The following PLEKHA7 variants were observed in gnomAD, a reference collection of about 807,000 sequenced individuals.
PLEKHA7 encodes pleckstrin homology domain-containing family A member 7.
In PLEKHA7, 104 loss-of-function variants were observed where a neutral mutation model predicts 170.0. The ratio of observed to expected loss-of-function variants is 0.61; its 90% confidence interval spans 0.52 to 0.72. The LOEUF (loss-of-function observed/expected upper bound fraction) is 0.72, where lower values mean the gene tolerates loss of function less well. Ranked by LOEUF, PLEKHA7 falls within the 30% of genes least tolerant of loss-of-function variation. The pLI is 0.00. For synonymous variants in PLEKHA7, 648 were observed against 660.8 expected, an observed-to-expected ratio of 0.98 and a Z score of 0.30; for missense variants, 1,615 against 1,671.7, an observed-to-expected ratio of 0.97 and a Z score of 0.59.
At chr11:16,794,824 C>T in intron 18 of PLEKHA7, 86 bp downstream of exon 18, 2 of 1,472,604 alleles carry the variant, frequency 1.4e-6, no homozygotes, top group Non-Finnish European at 1.9e-6. Flanking sequence ...CAAGGGCCAT[C>T]CCACCCACCT....
In PLEKHA7 at chr11:16,791,745, T is replaced by C. The variant is rs1847872908; in HGVS notation, c.2746-546A>G. The C allele has an allele frequency of 4.4e-6, 2 of 450,790 alleles. No homozygotes were observed. The highest frequency in any genetic ancestry group is 9.0e-6 in the Non-Finnish European group (2 of 223,402). The allele number at this position is 450,790 out of a possible 1,614,324, so 27.9% of individuals were successfully genotyped here. A position where few individuals can be genotyped will look rare whatever the true frequency, so the allele number is the denominator to read the frequency against. On this transcript the variant is annotated intron_variant, in intron 19 of 26. Coordinates refer to ENST00000531066, the MANE Select transcript of PLEKHA7 (RefSeq NM_001329630.2). The surrounding 1 kb of genome is among the most constrained non-coding windows in gnomAD (Gnocchi z 4.5). ...CAGAAATGTGCATGGTTACAAAATA[T>C]TTCCTCCTTCCTGACTCAGACAGAA...
intron 19 of PLEKHA7, among the ~76,000 whole-genome samples, chr11:16,792,254 T>A (rs1297550118): frequency 6.6e-6 from 1 of 152,236 alleles, no homozygotes; most frequent in Non-Finnish European, 1.5e-5. Context: ...TTGAATGGAA[T>A]GTCTGGAGGC....
intron 3 of PLEKHA7, among the ~76,000 whole-genome samples, chr11:17,003,815 C>A (rs1231808152): frequency 6.6e-6 from 1 of 152,214 alleles, no homozygotes; most frequent in Non-Finnish European, 1.5e-5. Flanking sequence ...CCCTGCTGCC[C>A]AGGCCAGTAT....
chr11:16,795,527 C>G (rs760888209), intron 17 of PLEKHA7, among the ~76,000 whole-genome samples: 7 of 152,146 alleles, frequency 4.6e-5, no homozygotes, highest in East Asian at 3.9e-4. Context: ...TGCAATGGCT[C>G]TTGTCTGTTA....
At chr11:16,826,029 G>T in intron 10 of PLEKHA7, 91 bp downstream of exon 10, 1 of 1,307,654 alleles carries the variant, frequency 7.6e-7, no homozygotes, top group Non-Finnish European at 1.1e-6. Flanking sequence ...GTTTAAGGCT[G>T]CCCTTACGCA....
chr11:16,899,512 T>C (rs1177969252), intron 3 of PLEKHA7, among the ~76,000 whole-genome samples: 1 of 152,070 alleles, frequency 6.6e-6, no homozygotes, highest in Non-Finnish European at 1.5e-5. Context: ...ACAAAACTTT[T>C]GCATAAAGGA....
intron 4 of PLEKHA7, among the ~76,000 whole-genome samples, chr11:16,860,029 T>C (rs941865706): frequency 2.0e-5 from 3 of 152,250 alleles, no homozygotes; most frequent in Non-Finnish European, 2.9e-5. Context: ...ATTATTTTGC[T>C]GGAGGGATGT....
intron 3 of PLEKHA7, among the ~76,000 whole-genome samples, chr11:16,918,676 T>A (rs1858865850): frequency 6.6e-6 from 1 of 152,200 alleles, no homozygotes; most frequent in Admixed American, 6.5e-5. Context: ...AAGTGTAAAC[T>A]GGTGTAAATG....
At chr11:16,906,358 C>T (rs1179488085) in intron 3 of PLEKHA7, among the ~76,000 whole-genome samples, 6 of 142,816 alleles carry the variant, frequency 4.2e-5, no homozygotes, top group South Asian at 2.3e-4. Context: ...CCACGGTCTC[C>T]CCCTGATGCC....
Position 16,931,870 on chromosome 11 carries a change from C to T in PLEKHA7, c.222-60688G>A, listed in dbSNP as rs564843401. Among the ~76,000 whole-genome samples the T allele has an allele frequency of 2.6e-5, 4 of 151,598 alleles. No individual in the cohort carries two copies. In the South Asian group the frequency reaches 6.3e-4, roughly 24 times the overall value. On this transcript the variant is annotated intron_variant, in intron 3 of 26. Transcript: ENST00000531066. The stretch of plus-strand genomic sequence containing the variant: ...TCTCCAAAATTACAAAACTAGGGCA[C>T]GATGAAAGGTGCCAGAAAGAGGAAA...
At chr11:16,914,290 A>G (rs1166626728) in intron 3 of PLEKHA7, among the ~76,000 whole-genome samples, 1 of 152,210 alleles carries the variant, frequency 6.6e-6, no homozygotes, top group Non-Finnish European at 1.5e-5. Flanking sequence ...TTATTTGAAT[A>G]ATTAGAAAAC....
At chr11:16,839,792 G>A (rs986988788) in intron 9 of PLEKHA7, among the ~76,000 whole-genome samples, 1 of 152,072 alleles carries the variant, frequency 6.6e-6, no homozygotes, top group Non-Finnish European at 1.5e-5. Context: ...TATCTGTGGG[G>A]CTTCCTGGCA....
intron 3 of PLEKHA7, among the ~76,000 whole-genome samples, chr11:16,932,432 C>T (rs1302973083): frequency 6.6e-6 from 1 of 152,100 alleles, no homozygotes; most frequent in Non-Finnish European, 1.5e-5. Context: ...CAGGTGCACA[C>T]CACCTCACCT....
At chr11:16,804,896 G>GT (rs1564932671) in intron 13 of PLEKHA7, among the ~76,000 whole-genome samples, 1 of 152,124 alleles carries the variant, frequency 6.6e-6, no homozygotes, top group Non-Finnish European at 1.5e-5. Flanking sequence ...ATGCGGGGGG[G>GT]GCGGTGCAGG....
In PLEKHA7 at chr11:16,924,008, C is replaced by T. The variant is rs112406108; in HGVS notation, c.222-52826G>A. On this transcript the variant is annotated intron_variant, in intron 3 of 26. Transcript: ENST00000531066. ...GCTGGGGTAAAAAATCTCCTCAGGT[C>T]TGTCTCTAACCAACCCCCGTCCCTC... 7.9e-3 allele frequency among the ~76,000 whole-genome samples: 1,202 copies of T among 152,216 alleles called. 14 individuals carry two copies. Among genetic ancestry groups the T allele is most frequent in the African/African-American group, 0.026 (1,090 of 41,516 alleles).
intron 9 of PLEKHA7, among the ~76,000 whole-genome samples, chr11:16,831,551 T>A (rs1459088076): frequency 1.3e-5 from 2 of 152,188 alleles, no homozygotes; most frequent in Non-Finnish European, 2.9e-5. Flanking sequence ...ATCGTGAACA[T>A]CTGAAACCGG....
intron 10 of PLEKHA7, among the ~76,000 whole-genome samples, chr11:16,818,800 T>TC (rs397776418): frequency 4.9e-4 from 74 of 151,764 alleles, no homozygotes; most frequent in African/African-American, 1.1e-3. Context: ...TCTTTTTTTT[T>TC]TCTCTCTTTT....
At chr11:16,802,863 G>T in intron 15 of PLEKHA7, 109 bp downstream of exon 15, 1 of 967,390 alleles carries the variant, frequency 1.0e-6, no homozygotes, top group Non-Finnish European at 1.6e-6. Flanking sequence ...TTTTAAATAA[G>T]CTAACATCTG....
At chr11:16,825,218 C>T (rs985395608) in intron 10 of PLEKHA7, among the ~76,000 whole-genome samples, 2 of 152,218 alleles carry the variant, frequency 1.3e-5, no homozygotes, top group Middle Eastern at 3.2e-3. Flanking sequence ...CTAGGCTATT[C>T]CCCTAGGAGC....
Sources: gnomAD v4.1 joint callset for allele counts (sites outside exome capture counted in the v4.1 genomes callset) on GRCh38, gnomAD v4.1.1 for gene constraint, Gnocchi (gnomAD v3.1) non-coding constraint, MANE v1.5 for transcripts, NCBI Gene and HGNC (gene_info 2026-07-23, HGNC 2026-07-21) for gene names.